The following GUCY1A2 variants were observed in gnomAD, a reference collection of about 807,000 sequenced individuals.
GUCY1A2 encodes guanylate cyclase soluble subunit alpha-2.
Under a neutral mutation model 63.5 loss-of-function variants are expected in GUCY1A2, and 27 were observed. That is an observed-to-expected ratio of 0.43 (90% CI 0.31 to 0.59). The LOEUF (loss-of-function observed/expected upper bound fraction) is 0.59. Ranked by LOEUF, GUCY1A2 falls within the 20% of genes least tolerant of loss-of-function variation. GUCY1A2 has a pLI of 0.11. For missense variants in GUCY1A2, 768 were observed against 913.3 expected (o/e 0.84, Z 2.05); for synonymous variants, 364 against 343.5 (o/e 1.06, Z -0.66).
rs940756082 is a variant in GUCY1A2 at position 106,681,883 on chromosome 11, TAGTG to T, written c.*5662_*5665del. ...TGTACAATTCAATATGAAAAGTACA[TAGTG>T]AGACTAAGTATTAAGTTGATGTCTT... is the stretch of plus-strand genomic sequence containing the variant. On this transcript the variant is annotated 3_prime_UTR_variant, in exon 8 of 8. Transcript: ENST00000526355. 5.6e-5 allele frequency: 12 copies of T among 213,952 alleles called. No individual in the cohort carries two copies. The highest frequency in any genetic ancestry group is 2.0e-4 in the African/African-American group (9 of 44,208). 13.3% of individuals were successfully genotyped at this position (213,952 alleles called of 1,614,324 possible).
chr11:106,846,942 C>G (rs1203560802), intron 4 of GUCY1A2, among the ~76,000 whole-genome samples: 2 of 151,034 alleles, frequency 1.3e-5, no homozygotes, highest in African/African-American at 2.4e-5. Context: ...TAAAGTAAGT[C>G]TCAAGGGACC....
At chr11:106,817,807 T>C (rs961097114) in intron 4 of GUCY1A2, among the ~76,000 whole-genome samples, 1 of 152,054 alleles carries the variant, frequency 6.6e-6, no homozygotes, top group African/African-American at 2.4e-5. Flanking sequence ...TATCACCTGA[T>C]ACCTGTTAGA....
intron 4 of GUCY1A2, among the ~76,000 whole-genome samples, chr11:106,882,944 A>T (rs12420777): frequency 0.15 from 23,547 of 152,004 alleles, 2,331 homozygotes; most frequent in East Asian, 0.38. Context: ...TCAGATTCTC[A>T]TCAGAAAAAC....
At chr11:106,854,141 T>C (rs1859394578) in intron 4 of GUCY1A2, among the ~76,000 whole-genome samples, 1 of 152,124 alleles carries the variant, frequency 6.6e-6, no homozygotes, top group African/African-American at 2.4e-5. Flanking sequence ...GCAGCATGCT[T>C]GGACATTAGT....
At chr11:106,943,978 G>T (rs1247361904) in intron 3 of GUCY1A2, among the ~76,000 whole-genome samples, 1 of 151,904 alleles carries the variant, frequency 6.6e-6, no homozygotes, top group Non-Finnish European at 1.5e-5. Flanking sequence ...GGCCAAAGCA[G>T]GCTGATTGCT....
At chr11:106,803,017 T>C (rs1390599753) in intron 5 of GUCY1A2, among the ~76,000 whole-genome samples, 2 of 152,112 alleles carry the variant, frequency 1.3e-5, no homozygotes, top group East Asian at 1.9e-4. Flanking sequence ...TCAAAACACT[T>C]TGAAAAATTC....
chr11:107,011,775 CA>C (rs961756765), intron 1 of GUCY1A2, among the ~76,000 whole-genome samples: 110 of 135,842 alleles, frequency 8.1e-4, no homozygotes, highest in Admixed American at 1.8e-3. Context: ...GACCCTATTT[CA>C]AAAAAAAAAA....
At chr11:107,011,401 T>C (rs1028263470) in intron 1 of GUCY1A2, among the ~76,000 whole-genome samples, 48 of 151,430 alleles carry the variant, frequency 3.2e-4, no homozygotes, top group Non-Finnish European at 5.6e-4. Flanking sequence ...AATGATGACA[T>C]AGATGGGAAA....
chr11:106,703,679 T>G (rs1862856370), intron 7 of GUCY1A2, among the ~76,000 whole-genome samples: 2 of 152,138 alleles, frequency 1.3e-5, no homozygotes, highest in South Asian at 4.1e-4. Flanking sequence ...GTCAGACTTG[T>G]GCCCTATAGA....
intron 1 of GUCY1A2, among the ~76,000 whole-genome samples, chr11:107,016,891 G>A (rs139009728): frequency 6.6e-6 from 1 of 152,340 alleles, no homozygotes; most frequent in Admixed American, 6.5e-5. Flanking sequence ...GGTGCAAGAA[G>A]TACAGAGCGG....
chr11:106,700,681 A>G (rs1232455250), intron 7 of GUCY1A2, among the ~76,000 whole-genome samples: 1 of 152,174 alleles, frequency 6.6e-6, no homozygotes, highest in Non-Finnish European at 1.5e-5. Flanking sequence ...GCTTCCATAG[A>G]GAAAAGGATA....
chr11:106,795,332 T>C (rs968084425), intron 5 of GUCY1A2, among the ~76,000 whole-genome samples: 2 of 152,142 alleles, frequency 1.3e-5, no homozygotes, highest in Non-Finnish European at 2.9e-5. Context: ...TATGCCCGAC[T>C]GGATATGAGG....
intron 4 of GUCY1A2, among the ~76,000 whole-genome samples, chr11:106,866,868 T>A (rs1859601279): frequency 6.6e-6 from 1 of 152,048 alleles, no homozygotes; most frequent in Admixed American, 6.6e-5. Flanking sequence ...ATGAATTATG[T>A]TGCCATTAGT....
At chr11:106,962,564 A>AC (rs1426771342) in intron 3 of GUCY1A2, among the ~76,000 whole-genome samples, 8 of 151,584 alleles carry the variant, frequency 5.3e-5, no homozygotes, top group African/African-American at 1.9e-4. Context: ...CAAAAAAAAA[A>AC]AAAAACTAGA....
chr11:106,921,621 A>G (rs1008298609), intron 4 of GUCY1A2, among the ~76,000 whole-genome samples: 2 of 152,030 alleles, frequency 1.3e-5, no homozygotes, highest in Admixed American at 6.6e-5. Flanking sequence ...CAATAGTCAA[A>G]CTTCAATTTT....
At chr11:106,758,616 G>T (rs1864013694) in intron 6 of GUCY1A2, among the ~76,000 whole-genome samples, 1 of 152,150 alleles carries the variant, frequency 6.6e-6, no homozygotes, top group Admixed American at 6.5e-5. Flanking sequence ...CACCACTGTT[G>T]CTATTCGGCC....
intron 4 of GUCY1A2, among the ~76,000 whole-genome samples, chr11:106,885,507 T>C (rs1859886099): frequency 6.6e-6 from 1 of 152,166 alleles, no homozygotes; most frequent in African/African-American, 2.4e-5. Context: ...CTAGCATACA[T>C]TCATTCAAAT....
chr11:106,844,350 T>C (rs1468970360), intron 4 of GUCY1A2, among the ~76,000 whole-genome samples: 1 of 151,828 alleles, frequency 6.6e-6, no homozygotes, highest in Non-Finnish European at 1.5e-5. Flanking sequence ...AGTATATGTA[T>C]TTATGAGTTC....
Position 106,899,798 on chromosome 11 carries a change from T to A in GUCY1A2, c.1206+39662A>T, listed in dbSNP as rs1860103244. On this transcript the variant is annotated intron_variant, in intron 4 of 7. Transcript: ENST00000526355. Reference sequence around the variant, plus strand: ...ACACACATATGCCCTACATTAAGAATCTATGGCCGGGCACGGTGGCTCACG... The same window carrying A: ...ACACACATATGCCCTACATTAAGAAACTATGGCCGGGCACGGTGGCTCACG... Among the ~76,000 whole-genome samples, 3 of 151,986 alleles carry A rather than the reference T, an allele frequency of 2.0e-5. No individual in the cohort carries two copies. In the South Asian group the frequency reaches 6.2e-4, roughly 31 times the overall value.
Sources: allele counts gnomAD v4.1 joint callset (sites outside exome capture counted in the v4.1 genomes callset), GRCh38; gene constraint gnomAD v4.1.1; transcripts MANE v1.5; gene names NCBI Gene and HGNC (gene_info 2026-07-23, HGNC 2026-07-21).